TSPEAR: variants seen among roughly 807,000 people sequenced by gnomAD.
TSPEAR encodes thrombospondin type laminin G domain and EAR repeats.
Under a neutral mutation model 71.6 loss-of-function variants are expected in TSPEAR, and 69 were observed. That is an observed-to-expected ratio of 0.96 (90% CI 0.79 to 1.18). The LOEUF (loss-of-function observed/expected upper bound fraction) is 1.18, where lower values mean the gene tolerates loss of function less well. Ranked by LOEUF, TSPEAR falls within the 50% of genes most tolerant of loss-of-function variation. TSPEAR has a pLI of 0.00. For synonymous variants in TSPEAR, 402 were observed against 387.2 expected, an observed-to-expected ratio of 1.04 and a Z score of -0.45; for missense variants, 971 against 894.9, an observed-to-expected ratio of 1.09 and a Z score of -1.09.
chr21:44,535,622 G>A (rs372977617), intron 2 of TSPEAR, among the ~76,000 whole-genome samples: 13 of 152,272 alleles, frequency 8.5e-5, no homozygotes, highest in African/African-American at 2.6e-4. Flanking sequence ...CCACAGTAGC[G>A]TGCTGGAAGT....
chr21:44,559,272 A>G (rs1044652736), intron 2 of TSPEAR, among the ~76,000 whole-genome samples: 1 of 152,222 alleles, frequency 6.6e-6, no homozygotes, highest in African/African-American at 2.4e-5. Context: ...GTGGGTTGAC[A>G]CTGCTGGTTG....
chr21:44,571,839 G>A (rs1055151077), intron 1 of TSPEAR, among the ~76,000 whole-genome samples: 11 of 152,374 alleles, frequency 7.2e-5, no homozygotes, highest in Admixed American at 3.9e-4. Flanking sequence ...ACACACAGAA[G>A]AGCGGGACAG....
At chr21:44,557,940 G>A in intron 2 of TSPEAR, 2 of 1,254,528 alleles carry the variant, frequency 1.6e-6, no homozygotes, top group Non-Finnish European at 2.2e-6. Context: ...TTGCTGGCTG[G>A]AGGTGCAGTG....
At chr21:44,580,445 C>A in intron 1 of TSPEAR, 1 of 1,613,194 alleles carries the variant, frequency 6.2e-7, no homozygotes, top group South Asian at 1.1e-5. Flanking sequence ...GGACACACAG[C>A]TCACTGGGGT....
At position 44,532,958 on chromosome 21, in the gene TSPEAR, C is replaced by A. The variant is rs1361158646; in HGVS notation, c.542+727G>T. Among the ~76,000 whole-genome samples the A allele has an allele frequency of 2.6e-5, 4 of 152,362 alleles. No homozygotes were observed. In the East Asian group the frequency reaches 7.7e-4, roughly 29 times the overall value. On this transcript the variant is annotated intron_variant, in intron 3 of 11. Transcript: ENST00000323084. ...CACGGAGCCAGGCCTCGGCCTCCAG[C>A]CTGGAGGTTGGGGAAGGAGTTACTC...
At chr21:44,670,041 A>C (rs1019765491) in intron 1 of TSPEAR, among the ~76,000 whole-genome samples, 42 of 152,204 alleles carry the variant, frequency 2.8e-4, no homozygotes, top group African/African-American at 9.7e-4. Context: ...TCAGAAGATT[A>C]CTCAGAATAA....
chr21:44,558,434 G>C, intron 2 of TSPEAR: 1 of 1,614,126 alleles, frequency 6.2e-7, no homozygotes, highest in Non-Finnish European at 8.5e-7. Flanking sequence ...CCTGCTGGCA[G>C]GGGGAGGATG....
chr21:44,681,887 G>A (rs1555948043), intron 1 of TSPEAR: 7 of 1,614,012 alleles, frequency 4.3e-6, no homozygotes, highest in African/African-American at 1.3e-5. Context: ...CGCTGGTGCA[G>A]GAAGGCTGGC....
intron 9 of TSPEAR, among the ~76,000 whole-genome samples, chr21:44,512,728 T>C (rs1488154487): frequency 7.2e-5 from 11 of 151,934 alleles, no homozygotes; most frequent in African/African-American, 2.7e-4. Flanking sequence ...GAGTTGCATC[T>C]TGGTTGGAGC....
chr21:44,666,221 TG>T (rs1985749577), intron 1 of TSPEAR: 6 of 536,814 alleles, frequency 1.1e-5, no homozygotes, highest in African/African-American at 5.6e-5. Flanking sequence ...TTGGCTCTCA[TG>T]GGGTCAGAGA....
chr21:44,595,555 T>C (rs1329215268), intron 1 of TSPEAR, among the ~76,000 whole-genome samples: 1 of 152,186 alleles, frequency 6.6e-6, no homozygotes, highest in Non-Finnish European at 1.5e-5. Flanking sequence ...GTTTTCTCTG[T>C]AAGACGTGCT....
At chr21:44,670,869 C>T (rs921463668) in intron 1 of TSPEAR, among the ~76,000 whole-genome samples, 2 of 152,214 alleles carry the variant, frequency 1.3e-5, no homozygotes, top group Admixed American at 6.5e-5. Context: ...CCCCCACCAA[C>T]CCAAGAGGGC....
intron 1 of TSPEAR, among the ~76,000 whole-genome samples, chr21:44,660,472 A>G (rs1184363639): frequency 2.6e-5 from 4 of 152,280 alleles, no homozygotes; most frequent in African/African-American, 9.6e-5. Context: ...CCGAAAGTAC[A>G]TCTTTAAAAT....
chr21:44,569,068 A>C (rs1023484149), intron 1 of TSPEAR, among the ~76,000 whole-genome samples: 4 of 152,212 alleles, frequency 2.6e-5, no homozygotes, highest in Admixed American at 6.5e-5. Flanking sequence ...GCTGGAGAGC[A>C]GGACTCCACT....
At chr21:44,558,039 G>C (rs1555920111) in intron 2 of TSPEAR, 1 of 1,594,724 alleles carries the variant, frequency 6.3e-7, no homozygotes, top group South Asian at 1.2e-5. Context: ...TGGAGAAACG[G>C]GACCTGCCCG....
At chr21:44,583,061 C>T (rs1410051138) in intron 1 of TSPEAR, among the ~76,000 whole-genome samples, 8 of 152,202 alleles carry the variant, frequency 5.3e-5, no homozygotes, top group South Asian at 2.1e-4. Context: ...AGGCTGGTCT[C>T]GAACTTATGG....
At chr21:44,653,952 T>C (rs1436407058) in intron 1 of TSPEAR, among the ~76,000 whole-genome samples, 1 of 151,628 alleles carries the variant, frequency 6.6e-6, no homozygotes, top group Non-Finnish European at 1.5e-5. Flanking sequence ...GAGGAAGGAG[T>C]GTGGGAAAGA....
chr21:44,568,279 C>T (rs1037396941), intron 1 of TSPEAR, among the ~76,000 whole-genome samples: 1 of 152,214 alleles, frequency 6.6e-6, no homozygotes, highest in Non-Finnish European at 1.5e-5. Flanking sequence ...CCCATGGCTG[C>T]TGTTTTCAAG....
At chr21:44,537,503 G>A (rs892804997) in intron 2 of TSPEAR, among the ~76,000 whole-genome samples, 25 of 152,204 alleles carry the variant, frequency 1.6e-4, no homozygotes, top group African/African-American at 5.3e-4. Context: ...GATTTCAGAA[G>A]CAGGCTATAC....
Sources: allele counts gnomAD v4.1 joint callset (sites outside exome capture counted in the v4.1 genomes callset), GRCh38; gene constraint gnomAD v4.1.1; transcripts MANE v1.5; gene names NCBI Gene and HGNC (gene_info 2026-07-23, HGNC 2026-07-21).